Variants in ST7 observed in about 807,000 individuals in gnomAD.
ST7 encodes suppression of tumorigenicity 7.
Under a neutral mutation model 78.7 loss-of-function variants are expected in ST7, and 28 were observed. The observed-to-expected ratio is 0.36, with a 90% CI of 0.26 to 0.49. The LOEUF (loss-of-function observed/expected upper bound fraction) is 0.49, where lower values mean the gene tolerates loss of function less well. ST7 is among the 20% of genes least tolerant of loss of function. The pLI is 0.99. For synonymous variants in ST7, 247 were observed against 249.6 expected, an observed-to-expected ratio of 0.99 and a Z score of 0.10; for missense variants, 418 against 696.0, an observed-to-expected ratio of 0.60 and a Z score of 4.49.
intron 9 of ST7, among the ~76,000 whole-genome samples, chr7:117,144,878 C>T (rs1171393456): frequency 6.6e-6 from 1 of 151,990 alleles, no homozygotes; most frequent in Admixed American, 6.6e-5. Context: ...AGACCACTTT[C>T]AAAAGAACAA....
rs372244182 is a variant in ST7, at chr7:117,052,185, TA to T, written c.152-47576del. On this transcript the variant is annotated intron_variant, in intron 1 of 15. Transcript: ENST00000323984. ...AAAACAAAAAAAAAACTCCATCACT[TA>T]TTGCTGTGGTGCAATGTAAAGGGCC... 1.6e-4 allele frequency among the ~76,000 whole-genome samples: 24 copies of T among 152,324 alleles called. No homozygotes were observed. In the South Asian group the frequency reaches 4.8e-3, roughly 30 times the overall value.
chr7:116,998,301 C>T (rs1019249186), intron 1 of ST7, among the ~76,000 whole-genome samples: 7 of 152,134 alleles, frequency 4.6e-5, no homozygotes, highest in Non-Finnish European at 7.4e-5. Context: ...GTGTGGGGCC[C>T]GCCGAGCCCA....
At chr7:117,122,592 C>A (rs1439955327) in intron 3 of ST7, among the ~76,000 whole-genome samples, 1 of 152,070 alleles carries the variant, frequency 6.6e-6, no homozygotes, top group East Asian at 1.9e-4. Context: ...CCATTCATTT[C>A]TTGTATAATA....
chr7:116,992,793 T>A (rs529375307), intron 1 of ST7, among the ~76,000 whole-genome samples: 1 of 152,372 alleles, frequency 6.6e-6, no homozygotes, highest in African/African-American at 2.4e-5. Flanking sequence ...CCTTTTAAAA[T>A]GGAATGCTTT....
chr7:117,112,050 T>C (rs1802471571), intron 2 of ST7, among the ~76,000 whole-genome samples: 1 of 152,080 alleles, frequency 6.6e-6, no homozygotes, highest in African/African-American at 2.4e-5. Flanking sequence ...ATATGTATAT[T>C]TGTGTATATG....
At chr7:117,121,517 G>C (rs889226598) in intron 3 of ST7, among the ~76,000 whole-genome samples, 1 of 152,166 alleles carries the variant, frequency 6.6e-6, no homozygotes, top group Non-Finnish European at 1.5e-5. Context: ...TGGTTAGACA[G>C]TTATGAAATG....
chr7:117,042,662 T>C (rs1306437788), intron 1 of ST7, among the ~76,000 whole-genome samples: 2 of 152,200 alleles, frequency 1.3e-5, no homozygotes, highest in Non-Finnish European at 2.9e-5. Flanking sequence ...GTAGACATTT[T>C]AAATTTTCAT....
chr7:117,065,209 T>C (rs1312039309), intron 1 of ST7, among the ~76,000 whole-genome samples: 1 of 147,944 alleles, frequency 6.8e-6, no homozygotes, highest in Admixed American at 6.7e-5. Flanking sequence ...CAAGTCTTTT[T>C]TTTTTTTTTT....
intron 3 of ST7, among the ~76,000 whole-genome samples, chr7:117,121,725 T>C (rs1441421790): frequency 6.6e-6 from 1 of 152,144 alleles, no homozygotes; most frequent in African/African-American, 2.4e-5. Context: ...TACCACTTTG[T>C]CTCCTTCAAT....
At chr7:117,144,646 A>AC (rs1261791140) in intron 9 of ST7, among the ~76,000 whole-genome samples, 4 of 151,760 alleles carry the variant, frequency 2.6e-5, no homozygotes, top group Admixed American at 1.3e-4. Flanking sequence ...AAAAAAAAAA[A>AC]AAACCAAAAT....
rs140250008 is a variant in ST7, at chr7:117,200,907, A to G, written c.1255-8880A>G. ...CATGGGGATTTCAAGAGGCTTGTGG[A>G]AGAAAACATCGTGGTAATTGTATAT... On this transcript the variant is annotated intron_variant, in intron 12 of 15. Transcript: ENST00000323984. Among the ~76,000 whole-genome samples the G allele has an allele frequency of 6.1e-3, 925 of 151,870 alleles. 5 individuals carry two copies. The highest frequency in any genetic ancestry group is 9.0e-3 in the Non-Finnish European group (611 of 67,968).
At chr7:117,119,381 C>G (rs1269182851) in intron 2 of ST7, among the ~76,000 whole-genome samples, 180 bp from the exon 3 acceptor site, 1 of 151,996 alleles carries the variant, frequency 6.6e-6, no homozygotes, top group East Asian at 1.9e-4. Flanking sequence ...CAGAGAAAAC[C>G]ACACTGAGAA....
intron 1 of ST7, among the ~76,000 whole-genome samples, chr7:117,085,782 C>T (rs1800094559): frequency 6.6e-6 from 1 of 151,896 alleles, no homozygotes. Flanking sequence ...GGAAATGAAA[C>T]TCAGAAAGGA....
chr7:116,966,543 G>A (rs1306343843), intron 1 of ST7, among the ~76,000 whole-genome samples: 4 of 152,166 alleles, frequency 2.6e-5, no homozygotes, highest in South Asian at 2.1e-4. Flanking sequence ...GAGCTACTGC[G>A]CCCAGCCGAT....
chr7:117,187,806 A>C (rs1809404504), intron 10 of ST7: 1 of 152,116 alleles, frequency 6.6e-6, no homozygotes. Context: ...TGTGTCATCT[A>C]GTTTTTTTTA....
chr7:117,071,033 C>G (rs931226128), intron 1 of ST7, among the ~76,000 whole-genome samples: 8 of 152,036 alleles, frequency 5.3e-5, no homozygotes, highest in African/African-American at 1.9e-4. Context: ...TCTTGGTTAA[C>G]ACGGTGAAAC....
chr7:117,004,938 A>G (rs1175932692), intron 1 of ST7, among the ~76,000 whole-genome samples: 2 of 152,176 alleles, frequency 1.3e-5, no homozygotes, highest in Admixed American at 6.5e-5. Context: ...GGAACTTAGC[A>G]TGTTTTATGT....
intron 10 of ST7, among the ~76,000 whole-genome samples, chr7:117,171,367 A>G (rs1240879071): frequency 6.6e-6 from 1 of 152,148 alleles, no homozygotes; most frequent in Non-Finnish European, 1.5e-5. Context: ...CACTGTGACC[A>G]CAGCCTATTG....
chr7:117,165,965 G>A (rs996451320), intron 9 of ST7, among the ~76,000 whole-genome samples: 6 of 152,134 alleles, frequency 3.9e-5, no homozygotes, highest in South Asian at 2.1e-4. Flanking sequence ...GTCACAAGGG[G>A]CTACGTTTGC....
Sources: gnomAD v4.1 joint callset for allele counts (sites outside exome capture counted in the v4.1 genomes callset) on GRCh38, gnomAD v4.1.1 for gene constraint, MANE v1.5 for transcripts, NCBI Gene and HGNC (gene_info 2026-07-23, HGNC 2026-07-21) for gene names.